The following ATP2B3 variants were observed in gnomAD, a reference collection of about 807,000 sequenced individuals.
ATP2B3 encodes plasma membrane calcium-transporting ATPase 3.
Under a neutral mutation model 70.8 loss-of-function variants are expected in ATP2B3, and 12 were observed. The observed-to-expected ratio is 0.17, with a 90% CI of 0.11 to 0.27. ATP2B3 has a LOEUF of 0.27. Among genes scored for constraint, ATP2B3 ranks in the 10% least tolerant of loss-of-function variants. The pLI, the probability that ATP2B3 is intolerant of heterozygous loss-of-function variation, is 1.00. For missense variants in ATP2B3, 858 were observed against 1,118.5 expected (o/e 0.77, Z 3.32); for synonymous variants, 460 against 497.8 (o/e 0.92, Z 1.01).
At chrX:153,546,271 T>C in intron 8 of ATP2B3, 142 bp downstream of exon 8, 1 of 750,726 alleles carries the variant, frequency 1.3e-6, no homozygotes, top group Non-Finnish European at 2.0e-6. Context: ...GGCTGCACAG[T>C]CCCGTCCCAG....
intron 2 of ATP2B3, among the ~76,000 whole-genome samples, chrX:153,521,290 T>C (rs1292740935): frequency 6.2e-5 from 7 of 112,895 alleles, no homozygotes; most frequent in African/African-American, 2.3e-4. Context: ...GGGTGGGCGG[T>C]GCTGGCAGTG....
chrX:153,525,633 T>C (rs1468169451), intron 2 of ATP2B3, among the ~76,000 whole-genome samples: 6 of 112,272 alleles, frequency 5.3e-5, no homozygotes, highest in Admixed American at 9.3e-5. Context: ...TGGTCCTGGC[T>C]CCTCTGGCTC....
At position 153,541,350 on chromosome X, in the gene ATP2B3, A is replaced by T; in HGVS notation, c.209-9A>T. 8.3e-7 allele frequency: 1 copy of T among 1,211,635 alleles called. No homozygotes were observed. ...TCCTCCCCTTCTGTGCTTCCGGGGC[A>T]CCATGCAGGCCTGGCGGACAACACC... is the stretch of plus-strand genomic sequence containing the variant. On this transcript the variant is annotated splice_polypyrimidine_tract_variant and intron_variant, in intron 3 of 21. Coordinates refer to ENST00000263519, the MANE Select transcript of ATP2B3 (RefSeq NM_001001344.3).
intron 21 of ATP2B3, 48 bp from the exon 22 acceptor site, chrX:153,579,930 C>T (rs1557022231): frequency 1.8e-6 from 2 of 1,095,461 alleles, no homozygotes; most frequent in Admixed American, 4.8e-5. Context: ...TTCCTTTCCT[C>T]CCTCCCTGCT....
intron 7 of ATP2B3, among the ~76,000 whole-genome samples, chrX:153,543,766 T>C (rs1345229671): frequency 1.8e-5 from 2 of 113,133 alleles, no homozygotes; most frequent in Non-Finnish European, 3.8e-5. Flanking sequence ...GAGGCCCTGA[T>C]GGACAAGATT....
chrX:153,533,494 TGG>T (rs2124365892), intron 2 of ATP2B3, among the ~76,000 whole-genome samples: 1 of 110,015 alleles, frequency 9.1e-6, no homozygotes, highest in East Asian at 2.9e-4. Flanking sequence ...TTTTGCTTGA[TGG>T]GGATGGGAGA....
At chrX:153,550,380 A>C in intron 12 of ATP2B3, 94 bp downstream of exon 12, 2 of 1,145,113 alleles carry the variant, frequency 1.7e-6, no homozygotes, top group South Asian at 4.0e-5. Flanking sequence ...CACCATTTCA[A>C]CCACTTTACA....
rs1445706234 is a variant in ATP2B3 at position 153,536,511 on chromosome X, C to T, written c.208+56C>T. 5.3e-6 allele frequency: 6 copies of T among 1,124,746 alleles called. No individual in the cohort carries two copies. In the African/African-American group the frequency reaches 5.4e-5, roughly 10 times the overall value. 92.7% of individuals were successfully genotyped at this position (1,124,746 alleles called of 1,213,427 possible). A position where few individuals can be genotyped will look rare whatever the true frequency, so the allele number is the denominator to read the frequency against. On this transcript the variant is annotated intron_variant, in intron 3 of 21. Coordinates refer to ENST00000263519, the MANE Select transcript of ATP2B3 (RefSeq NM_001001344.3). ...GCCCTGCTCCCAGCCTTCAGAGGAG[C>T]GACCTGAAGGCATCCTTAGCCCCAA...
intron 20 of ATP2B3, among the ~76,000 whole-genome samples, chrX:153,564,272 G>A (rs782587396): frequency 1.2e-4 from 14 of 112,922 alleles, no homozygotes; most frequent in Non-Finnish European, 2.4e-4. Context: ...GGTGTGGAGC[G>A]ACATGCAGGG....
chrX:153,578,958 A>G (rs1454108646), intron 21 of ATP2B3, among the ~76,000 whole-genome samples: 1 of 112,750 alleles, frequency 8.9e-6, no homozygotes, highest in Non-Finnish European at 1.9e-5. Context: ...GGTGCAAATC[A>G]AAAGTGTGGC....
intron 2 of ATP2B3, among the ~76,000 whole-genome samples, chrX:153,522,908 T>G (rs868951769): frequency 1.0e-5 from 1 of 100,117 alleles, no homozygotes; most frequent in African/African-American, 3.6e-5. Flanking sequence ...TTTTTTTTTT[T>G]AATTGATTTC....
rs201272394 is a variant in ATP2B3, at chrX:153,579,961, T to C, written c.3343-17T>C. 8.8e-5 allele frequency: 105 copies of C among 1,191,995 alleles called. No individual in the cohort carries two copies. In the Middle Eastern group the frequency reaches 1.9e-3, roughly 21 times the overall value. ...CTGCTCCCACCTCGCGCCCTGTCCC[T>C]CCACCTCCCACTCCAGATCCGGGTG... On this transcript the variant is annotated splice_polypyrimidine_tract_variant and intron_variant, in intron 21 of 21. Transcript: ENST00000263519.
intron 2 of ATP2B3, among the ~76,000 whole-genome samples, chrX:153,534,779 C>T (rs782113572): frequency 3.3e-4 from 37 of 113,228 alleles, no homozygotes; most frequent in South Asian, 3.6e-4. Context: ...CGAGAGTAAA[C>T]GCGCAGGTGC....
chrX:153,577,230 C>G (rs1271093078), intron 21 of ATP2B3, among the ~76,000 whole-genome samples: 1 of 113,059 alleles, frequency 8.8e-6, no homozygotes, highest in Non-Finnish European at 1.9e-5. Context: ...ACCGGAGGAG[C>G]AGTAGCAGCA....
chrX:153,565,683 C>A (rs2090696349), intron 21 of ATP2B3, among the ~76,000 whole-genome samples: 1 of 112,514 alleles, frequency 8.9e-6, no homozygotes, highest in Admixed American at 9.3e-5. Context: ...ACCACTGCCA[C>A]CAGTATCAGG....
chrX:153,533,642 G>T (rs782361897), intron 2 of ATP2B3, among the ~76,000 whole-genome samples: 1 of 111,565 alleles, frequency 9.0e-6, no homozygotes, highest in African/African-American at 3.3e-5. Flanking sequence ...TTGCTGAGGG[G>T]TGGGGATCCT....
intron 2 of ATP2B3, among the ~76,000 whole-genome samples, chrX:153,524,868 C>T (rs1207766749): frequency 8.9e-6 from 1 of 112,308 alleles, no homozygotes; most frequent in Admixed American, 9.4e-5. Context: ...TTCCTCCCTC[C>T]CCGCCAAGAT....
chrX:153,577,853 C>G (rs1261219785), intron 21 of ATP2B3, among the ~76,000 whole-genome samples: 2 of 111,363 alleles, frequency 1.8e-5, no homozygotes, highest in African/African-American at 3.3e-5. Flanking sequence ...CACCTGAGCT[C>G]AAGCGATCAG....
At position 153,553,127 on chromosome X, in the gene ATP2B3, C is replaced by T; in HGVS notation, c.1916C>T (p.Ala639Val). The change falls in exon 13 of 22, where the codon GCT (alanine) becomes GTT (valine). Residue 639 changes from alanine to valine, a missense_variant. By Grantham distance (64) the Ala-to-Val change is moderately conservative. Transcript: ENST00000263519. The stretch of plus-strand genomic sequence containing the variant: ...GTGAGGAAGATCATCGAGCCGATGG[C>T]TTGCGATGGCCTCCGCACCATCTGC... The part of the protein sequence containing the change: ...DMVRKIIEPM[A>V]CDGLRTICIA... 1.7e-6 allele frequency: 2 copies of T among 1,210,687 alleles called. No individual in the cohort carries two copies. Among genetic ancestry groups the T allele is most frequent in the Non-Finnish European group, 2.2e-6 (2 of 894,352 alleles).
Sources: allele counts gnomAD v4.1 joint callset (sites outside exome capture counted in the v4.1 genomes callset), GRCh38; gene constraint gnomAD v4.1.1; transcripts MANE v1.5; gene names NCBI Gene and HGNC (gene_info 2026-07-23, HGNC 2026-07-21).